PAPPA2: variants seen among roughly 807,000 people sequenced by gnomAD.
The protein encoded by PAPPA2 is pappalysin-2.
Under a neutral mutation model 176.4 loss-of-function variants are expected in PAPPA2, and 86 were observed. The ratio of observed to expected loss-of-function variants is 0.49; its 90% CI spans 0.41 to 0.58. The LOEUF is 0.58. Among genes scored for constraint, PAPPA2 ranks in the 20% least tolerant of loss-of-function variants. The pLI, the probability that PAPPA2 is intolerant of heterozygous loss-of-function variation, is 0.00. For missense variants in PAPPA2, 2,073 were observed against 2,256.9 expected (o/e 0.92, Z 1.65); for synonymous variants, 809 against 852.2 (o/e 0.95, Z 0.88).
intron 3 of PAPPA2, among the ~76,000 whole-genome samples, chr1:176,605,936 G>A (rs1031367596): frequency 6.6e-6 from 1 of 152,052 alleles, no homozygotes; most frequent in Non-Finnish European, 1.5e-5. Flanking sequence ...GGTATTCTTG[G>A]TGATGTAACT....
At chr1:176,705,418 A>G (rs1038750856) in intron 9 of PAPPA2, among the ~76,000 whole-genome samples, 2 of 152,178 alleles carry the variant, frequency 1.3e-5, no homozygotes, top group African/African-American at 4.8e-5. Flanking sequence ...TACTTTAAAC[A>G]ATAGATTAGA....
At chr1:176,765,914 C>T in intron 15 of PAPPA2, 77 bp downstream of exon 15, 1 of 1,527,002 alleles carries the variant, frequency 6.5e-7, no homozygotes, top group Non-Finnish European at 8.9e-7. Context: ...TCTGGCTCCA[C>T]AGGGAAAGAG....
intron 3 of PAPPA2, among the ~76,000 whole-genome samples, chr1:176,655,860 C>A (rs1573202926): frequency 6.6e-6 from 1 of 151,834 alleles, no homozygotes; most frequent in East Asian, 1.9e-4. Context: ...GTAAAAATTT[C>A]TGTTCCTTAG....
chr1:176,663,502 G>A (rs1658463771), intron 3 of PAPPA2, among the ~76,000 whole-genome samples: 1 of 151,992 alleles, frequency 6.6e-6, no homozygotes, highest in Admixed American at 6.6e-5. Flanking sequence ...ATGTTTATGT[G>A]TGACACTATA....
intron 3 of PAPPA2, among the ~76,000 whole-genome samples, chr1:176,610,447 A>G (rs540934143): frequency 6.6e-6 from 1 of 152,296 alleles, no homozygotes; most frequent in East Asian, 1.9e-4. Context: ...TTCAGTGGGA[A>G]AATAATCATG....
In PAPPA2 at chr1:176,471,551, G is replaced by C. The variant is rs367546168; in HGVS notation, c.-917+8133G>C. ...ATAAACAAACAGAACTTGGTCAGCA[G>C]AATCAGAAGCCCTCCATGTATTTTG... On this transcript the variant is annotated intron_variant, in intron 1 of 22. Coordinates refer to ENST00000367662, the MANE Select transcript of PAPPA2 (RefSeq NM_020318.3). Among the ~76,000 whole-genome samples, 45 of 152,280 alleles carry C rather than the reference G, an allele frequency of 3.0e-4. No individual in the cohort carries two copies. The South Asian group carries it at 7.3e-3, about 25-fold the overall frequency.
At chr1:176,629,489 C>T (rs1486618211) in intron 3 of PAPPA2, among the ~76,000 whole-genome samples, 4 of 151,944 alleles carry the variant, frequency 2.6e-5, no homozygotes, top group Admixed American at 1.3e-4. Context: ...CCTCAGATAT[C>T]AATATTGGGT....
At chr1:176,501,696 G>A (rs777404454) in intron 1 of PAPPA2, among the ~76,000 whole-genome samples, 6 of 152,194 alleles carry the variant, frequency 3.9e-5, no homozygotes, top group Non-Finnish European at 8.8e-5. Context: ...GTAATAGTCA[G>A]AGAAGAGTGA....
chr1:176,738,916 A>G (rs1051107757), intron 12 of PAPPA2, among the ~76,000 whole-genome samples: 1 of 152,020 alleles, frequency 6.6e-6, no homozygotes. Flanking sequence ...TTTTAGTGTT[A>G]ATCACCCTAA....
intron 2 of PAPPA2, among the ~76,000 whole-genome samples, chr1:176,565,218 A>G (rs1030473859): frequency 2.0e-5 from 3 of 152,144 alleles, no homozygotes; most frequent in African/African-American, 7.2e-5. Context: ...GCTGTTATGA[A>G]CATTGTGCAC....
intron 3 of PAPPA2, among the ~76,000 whole-genome samples, chr1:176,653,969 T>C (rs1296359071): frequency 1.3e-5 from 2 of 151,772 alleles, no homozygotes; most frequent in African/African-American, 4.8e-5. Flanking sequence ...GGCAGTTTTT[T>C]TCTTCTGCCT....
intron 4 of PAPPA2, among the ~76,000 whole-genome samples, chr1:176,680,977 G>C (rs772667761): frequency 6.6e-6 from 1 of 152,122 alleles, no homozygotes; most frequent in Non-Finnish European, 1.5e-5. Context: ...GTGGTGCCAA[G>C]GTGGAAAATG....
chr1:176,674,424 T>C (rs1181095689), intron 4 of PAPPA2, among the ~76,000 whole-genome samples: 2 of 152,056 alleles, frequency 1.3e-5, no homozygotes, highest in East Asian at 3.9e-4. Context: ...CCACACTTCC[T>C]CCTGAGTCCC....
At chr1:176,688,241 T>C (rs1659941105) in intron 4 of PAPPA2, among the ~76,000 whole-genome samples, 1 of 152,102 alleles carries the variant, frequency 6.6e-6, no homozygotes, top group Admixed American at 6.5e-5. Flanking sequence ...GGAAAAAGGA[T>C]GAAAAAGGTG....
intron 7 of PAPPA2, 128 bp downstream of exon 7, chr1:176,695,987 TGTGTGTGTGTGTGTGTGTG>T: frequency 3.2e-6 from 3 of 928,350 alleles, no homozygotes; most frequent in East Asian, 2.7e-5. Flanking sequence ...TGTGTGTGTG[TGTGTGTGTGTGTGTGTGTG>T]TTTTGCTGGA....
chr1:176,700,086 T>TC (rs1246504792), intron 8 of PAPPA2, among the ~76,000 whole-genome samples: 3 of 152,230 alleles, frequency 2.0e-5, no homozygotes, highest in African/African-American at 7.2e-5. Context: ...TCTCTCATTT[T>TC]CCCCCCTCAC....
chr1:176,468,582 G>C (rs1176007678), intron 1 of PAPPA2, among the ~76,000 whole-genome samples: 1 of 152,176 alleles, frequency 6.6e-6, no homozygotes, highest in East Asian at 1.9e-4. Context: ...GAAAGAATCA[G>C]GGGGTTCAGA....
At chr1:176,768,127 T>C (rs1664059883) in intron 15 of PAPPA2, among the ~76,000 whole-genome samples, 1 of 152,128 alleles carries the variant, frequency 6.6e-6, no homozygotes, top group Non-Finnish European at 1.5e-5. Context: ...CCTTTGATAA[T>C]CCAGTAGCTA....
intron 3 of PAPPA2, among the ~76,000 whole-genome samples, chr1:176,636,736 T>C (rs1193791145): frequency 6.6e-6 from 1 of 152,104 alleles, no homozygotes; most frequent in Admixed American, 6.6e-5. Flanking sequence ...TTGAAAAACA[T>C]TGTACATCTC....
Sources: allele counts gnomAD v4.1 joint callset (sites outside exome capture counted in the v4.1 genomes callset), GRCh38; gene constraint gnomAD v4.1.1; transcripts MANE v1.5; gene names NCBI Gene and HGNC (gene_info 2026-07-23, HGNC 2026-07-21).